TRPC7: variants seen among roughly 807,000 people sequenced by gnomAD.
The protein encoded by TRPC7 is transient receptor potential cation channel subfamily C member 7.
In TRPC7, 42 loss-of-function variants were observed where a neutral mutation model predicts 90.1. The ratio of observed to expected loss-of-function variants is 0.47; its 90% CI spans 0.36 to 0.60. TRPC7 has a LOEUF of 0.60. Ranked by LOEUF, TRPC7 falls within the 20% of genes least tolerant of loss-of-function variation. TRPC7 has a pLI of 0.00. For missense variants in TRPC7, 955 were observed against 1,112.3 expected, an observed-to-expected ratio of 0.86 and a Z score of 2.01; for synonymous variants, 451 against 436.3, an observed-to-expected ratio of 1.03 and a Z score of -0.42.
At chr5:136,314,140 G>A (rs1228571815) in intron 3 of TRPC7, 4 of 152,190 alleles carry the variant, frequency 2.6e-5, no homozygotes, top group Non-Finnish European at 5.9e-5. Context: ...CTTCTTTTGT[G>A]TGGTTTTTAG....
In TRPC7 at chr5:136,231,023, G is replaced by A. The variant is rs141692846; in HGVS notation, c.2040+331C>T. On this transcript the variant is annotated intron_variant, in intron 8 of 11. Transcript: ENST00000513104. ...ACTTAATAAATAACACGTGAGAGGC[G>A]AAAGGGGCCTGGGGGCTGAAAGTCA... Among the ~76,000 whole-genome samples, 757 of 152,312 alleles carry A rather than the reference G, an allele frequency of 5.0e-3. 9 individuals carry two copies. The highest frequency in any genetic ancestry group is 0.029 in the East Asian group (148 of 5,180).
At position 136,364,132 on chromosome 5, in the gene TRPC7, T is replaced by A. The variant is rs185717902; in HGVS notation, c.2+1121A>T. On this transcript the variant is annotated intron_variant, in intron 1 of 11. Coordinates refer to ENST00000513104, the MANE Select transcript of TRPC7 (RefSeq NM_020389.3). ...TATTTATATGGAGGGAAATGTTGAT[T>A]GCCTTTACTAAGCAAGAGCTCCTGG... 2.2e-3 allele frequency among the ~76,000 whole-genome samples: 330 copies of A among 152,320 alleles called. 3 individuals are homozygous for A. The highest frequency in any genetic ancestry group is 9.9e-3 in the Admixed American group (152 of 15,302).
intron 2 of TRPC7, among the ~76,000 whole-genome samples, chr5:136,317,002 AG>A (rs1759044877): frequency 6.6e-6 from 1 of 152,226 alleles, no homozygotes; most frequent in Non-Finnish European, 1.5e-5. Context: ...ATCTCCTTCC[AG>A]GGTTGCTGTA....
At chr5:136,234,475 A>G (rs1266729472) in intron 7 of TRPC7, among the ~76,000 whole-genome samples, 2 of 151,766 alleles carry the variant, frequency 1.3e-5, no homozygotes, top group Non-Finnish European at 2.9e-5. Context: ...GTGCCCAGCT[A>G]ATTTTTGTAT....
intron 4 of TRPC7, among the ~76,000 whole-genome samples, chr5:136,269,972 G>A (rs779331641): frequency 2.0e-5 from 3 of 152,196 alleles, no homozygotes; most frequent in Non-Finnish European, 4.4e-5. Flanking sequence ...GCTGAAGAGG[G>A]ATTTACAAAG....
At chr5:136,263,685 T>C (rs1756937130) in intron 5 of TRPC7, among the ~76,000 whole-genome samples, 1 of 151,564 alleles carries the variant, frequency 6.6e-6, no homozygotes, top group Non-Finnish European at 1.5e-5. Flanking sequence ...TGATTGAAAT[T>C]AAAATCACAA....
At chr5:136,323,651 A>G (rs1261945661) in intron 2 of TRPC7, among the ~76,000 whole-genome samples, 1 of 152,170 alleles carries the variant, frequency 6.6e-6, no homozygotes, top group Non-Finnish European at 1.5e-5. Flanking sequence ...CCACATTTGT[A>G]TGAGTCTATT....
intron 1 of TRPC7, among the ~76,000 whole-genome samples, chr5:136,361,491 C>A (rs1428718593): frequency 6.6e-6 from 1 of 152,112 alleles, no homozygotes; most frequent in African/African-American, 2.4e-5. Context: ...GTCATTGACC[C>A]ATGAAAAGTA....
At chr5:136,341,972 A>T (rs1022045548) in intron 2 of TRPC7, among the ~76,000 whole-genome samples, 2 of 152,164 alleles carry the variant, frequency 1.3e-5, no homozygotes, top group African/African-American at 2.4e-5. Context: ...TTAATTTTTA[A>T]TTCCAGCTCC....
At chr5:136,280,930 C>A (rs1390437493) in intron 3 of TRPC7, among the ~76,000 whole-genome samples, 2 of 152,188 alleles carry the variant, frequency 1.3e-5, no homozygotes, top group African/African-American at 2.4e-5. Flanking sequence ...GATTAAGTAA[C>A]TTGTCTACCA....
At chr5:136,270,397 G>A (rs1757170311) in intron 4 of TRPC7, among the ~76,000 whole-genome samples, 1 of 152,204 alleles carries the variant, frequency 6.6e-6, no homozygotes, top group African/African-American at 2.4e-5. Flanking sequence ...AACGCAGTTA[G>A]AACAGTGCCT....
rs116724206 is a variant in TRPC7 at position 136,315,588 on chromosome 5, G to A, written c.963+9C>T. The A allele has an allele frequency of 0.017, 26,675 of 1,613,192 alleles. 277 individuals carry two copies. Among genetic ancestry groups the A allele is most frequent in the Non-Finnish European group, 0.02 (23,183 of 1,179,328 alleles). The stretch of plus-strand genomic sequence containing the variant: ...AGATGGGAAGACCAGGAGAGATGGG[G>A]GAGCTTACCTTCTTGACTTCATATT... On this transcript the variant is annotated intron_variant, in intron 3 of 11. Coordinates refer to ENST00000513104, the MANE Select transcript of TRPC7 (RefSeq NM_020389.3).
intron 1 of TRPC7, 29 bp from the exon 2 acceptor site, chr5:136,357,414 A>G (rs909886038): frequency 2.6e-6 from 4 of 1,555,626 alleles, no homozygotes; most frequent in Non-Finnish European, 3.5e-6. Flanking sequence ...ATGCCCTGTT[A>G]CTTTCCTGCG....
intron 2 of TRPC7, among the ~76,000 whole-genome samples, chr5:136,338,164 C>A (rs187355862): frequency 6.6e-6 from 1 of 152,024 alleles, no homozygotes; most frequent in African/African-American, 2.4e-5. Flanking sequence ...AAAAACAGGA[C>A]GTTATTGTAA....
intron 2 of TRPC7, among the ~76,000 whole-genome samples, chr5:136,347,449 C>A (rs561748038): frequency 1.1e-4 from 16 of 152,266 alleles, no homozygotes; most frequent in African/African-American, 2.9e-4. Flanking sequence ...TTTAGTTTAA[C>A]ATAAATCAGA....
chr5:136,254,238 C>T (rs1756616828), intron 5 of TRPC7, among the ~76,000 whole-genome samples: 1 of 152,188 alleles, frequency 6.6e-6, no homozygotes, highest in South Asian at 2.1e-4. Context: ...CTACAGTAAA[C>T]CACGGATTTT....
At chr5:136,310,248 G>T (rs1486150191) in intron 3 of TRPC7, among the ~76,000 whole-genome samples, 1 of 152,156 alleles carries the variant, frequency 6.6e-6, no homozygotes, top group Admixed American at 6.5e-5. Context: ...TGAAGTTCCA[G>T]GGTTTTGTTC....
At chr5:136,250,224 C>T (rs567877098) in intron 6 of TRPC7, among the ~76,000 whole-genome samples, 20 of 152,336 alleles carry the variant, frequency 1.3e-4, no homozygotes, top group South Asian at 4.1e-4. Context: ...CTCTCCATTT[C>T]TCAATGGAGA....
At chr5:136,344,138 G>A (rs530178575) in intron 2 of TRPC7, among the ~76,000 whole-genome samples, 1 of 152,268 alleles carries the variant, frequency 6.6e-6, no homozygotes, top group Admixed American at 6.5e-5. Context: ...TGATGGAGCT[G>A]GAGGCCATTA....
Sources: allele counts gnomAD v4.1 joint callset (sites outside exome capture counted in the v4.1 genomes callset), GRCh38; gene constraint gnomAD v4.1.1; transcripts MANE v1.5; gene names NCBI Gene and HGNC (gene_info 2026-07-23, HGNC 2026-07-21).